The following HERC6 variants were observed in gnomAD, a reference collection of about 807,000 sequenced individuals.
HERC6 encodes HECT and RLD domain containing E3 ubiquitin protein ligase family member 6, also known as probable E3 ubiquitin-protein ligase HERC6.
A neutral mutation model predicts 114.5 loss-of-function variants in HERC6; 101 were observed. The ratio of observed to expected loss-of-function variants is 0.88; its 90% CI spans 0.75 to 1.04. The LOEUF is 1.04. Among genes scored for constraint, HERC6 ranks in the 50% least tolerant of loss-of-function variants. HERC6 has a pLI of 0.00. For missense variants in HERC6, 1,133 were observed against 1,230.9 expected (o/e 0.92, Z 1.19); for synonymous variants, 408 against 436.2 (o/e 0.94, Z 0.81).
At position 88,381,953 on chromosome 4, in the gene HERC6, ATC is replaced by A. The variant is rs557923898; in HGVS notation, c.200-1266_200-1265del. ...GAAGAGAGCAGAGACCTCTTCCTGC[ATC>A]TGTTGATTCTCAATTGCCTTCAGCT... On this transcript the variant is annotated intron_variant, in intron 1 of 22. Transcript: ENST00000264346. Among the ~76,000 whole-genome samples, 895 of 152,172 alleles carry A rather than the reference ATC, an allele frequency of 5.9e-3. 13 individuals are homozygous for A. Among genetic ancestry groups the A allele is most frequent in the African/African-American group, 0.021 (853 of 41,506 alleles).
At chr4:88,433,470 A>G (rs528634729) in intron 17 of HERC6, among the ~76,000 whole-genome samples, 1 of 152,314 alleles carries the variant, frequency 6.6e-6, no homozygotes, top group South Asian at 2.1e-4. Flanking sequence ...GCCCTCATGA[A>G]TAGATTAATC....
At chr4:88,405,032 T>C in intron 9 of HERC6, 35 bp downstream of exon 9, 1 of 1,605,968 alleles carries the variant, frequency 6.2e-7, no homozygotes, top group Non-Finnish European at 8.5e-7. Flanking sequence ...GCCACTTTTA[T>C]CTGGTTCTGG....
intron 13 of HERC6, among the ~76,000 whole-genome samples, chr4:88,420,458 C>T (rs938720564): frequency 2.6e-5 from 4 of 152,132 alleles, no homozygotes; most frequent in Admixed American, 2.6e-4. Flanking sequence ...AGAATGACAA[C>T]TTTACTGAGT....
intron 9 of HERC6, 37 bp from the exon 10 acceptor site, chr4:88,405,512 TTATTA>T: frequency 9.1e-7 from 1 of 1,093,868 alleles, no homozygotes; most frequent in Non-Finnish European, 1.3e-6. Context: ...AAGGCATGCT[TTATTA>T]TATGTTGTGA....
chr4:88,383,119 T>C (rs964587960), intron 1 of HERC6, 102 bp from the exon 2 acceptor site: 1 of 1,441,930 alleles, frequency 6.9e-7, no homozygotes, highest in African/African-American at 1.4e-5. Context: ...AGACAAGAAA[T>C]CTGGATGATC....
chr4:88,424,524 T>C (rs1737400354), intron 14 of HERC6, 71 bp from the exon 15 acceptor site: 3 of 1,138,846 alleles, frequency 2.6e-6, no homozygotes, highest in South Asian at 1.4e-5. Context: ...AAAAAGGCGA[T>C]AAGGTAAAGG....
intron 22 of HERC6, chr4:88,440,597 G>T: frequency 5.5e-6 from 1 of 182,956 alleles, no homozygotes; most frequent in East Asian, 1.5e-4. Flanking sequence ...TGTACCATCC[G>T]CATAGGGCAC....
chr4:88,407,160 C>G (rs143068265), intron 10 of HERC6, among the ~76,000 whole-genome samples: 3 of 152,208 alleles, frequency 2.0e-5, no homozygotes, highest in Non-Finnish European at 4.4e-5. Context: ...TCACTGCAGC[C>G]TCCGCCTCGT....
intron 12 of HERC6, among the ~76,000 whole-genome samples, chr4:88,414,463 A>G (rs1175788902): frequency 6.6e-6 from 1 of 152,172 alleles, no homozygotes; most frequent in African/African-American, 2.4e-5. Flanking sequence ...GGGTTCTTAG[A>G]TCTCACACAA....
At chr4:88,424,725 T>C in intron 15 of HERC6, 23 bp downstream of exon 15, 1 of 1,407,888 alleles carries the variant, frequency 7.1e-7, no homozygotes, top group East Asian at 2.3e-5. Flanking sequence ...TATTTTTTAG[T>C]ATGAAAAATT....
Position 88,378,951 on chromosome 4 carries a change from G to T in HERC6, c.30G>T (p.Arg10Ser). 6.3e-7 allele frequency: 1 copy of T among 1,595,256 alleles called. No individual in the cohort carries two copies. The highest frequency in any genetic ancestry group is 2.3e-5 in the East Asian group (1 of 44,048). The change falls in exon 1 of 23, where the codon AGG becomes AGT. Residue 10 changes from arginine (R) to serine (S), a missense_variant. By Grantham distance (110) the Arg-to-Ser change is moderately radical (BLOSUM62 -1). Coordinates refer to ENST00000264346, the MANE Select transcript of HERC6 (RefSeq NM_017912.4). The part of the protein sequence containing the change: MYFCWGADS[R>S]ELQRRRTAGS... ...ACTTCTGTTGGGGCGCCGACTCCAG[G>T]GAGCTGCAGCGCCGGAGGACGGCGG...
chr4:88,388,620 A>T (rs1194678423), intron 3 of HERC6, among the ~76,000 whole-genome samples: 1 of 151,602 alleles, frequency 6.6e-6, no homozygotes, highest in African/African-American at 2.4e-5. Context: ...TGCATAGGGG[A>T]GAACCATAGA....
intron 1 of HERC6, 47 bp downstream of exon 1, chr4:88,379,167 G>A: frequency 2.8e-6 from 4 of 1,413,842 alleles, no homozygotes; most frequent in Non-Finnish European, 3.8e-6. Context: ...CCAGTACATG[G>A]GCGCGGGGGC....
intron 10 of HERC6, among the ~76,000 whole-genome samples, chr4:88,406,612 G>A (rs943580908): frequency 2.0e-5 from 3 of 152,178 alleles, no homozygotes; most frequent in Admixed American, 6.5e-5. Context: ...GAACTCCTAA[G>A]ATGTCAAAGA....
chr4:88,395,761 T>A (rs893733443), intron 5 of HERC6, among the ~76,000 whole-genome samples: 1 of 152,134 alleles, frequency 6.6e-6, no homozygotes, highest in Non-Finnish European at 1.5e-5. Context: ...TGGCCTCAAG[T>A]AATTCTCCTG....
At chr4:88,440,380 A>G (rs1739225809) in intron 22 of HERC6, 130 bp downstream of exon 22, 2 of 628,240 alleles carry the variant, frequency 3.2e-6, no homozygotes, top group African/African-American at 3.7e-5. Flanking sequence ...TCTCACAGCC[A>G]TGGAGATCAA....
chr4:88,428,186 T>C (rs140103566), intron 15 of HERC6, among the ~76,000 whole-genome samples: 166 of 152,342 alleles, frequency 1.1e-3, no homozygotes, highest in African/African-American at 3.8e-3. Flanking sequence ...ATACTGTCTT[T>C]ATATTCCTGA....
At position 88,391,304 on chromosome 4, in the gene HERC6, A is replaced by G. The variant is rs537557358; in HGVS notation, c.664+425A>G. On this transcript the variant is annotated intron_variant, in intron 4 of 22. Coordinates refer to ENST00000264346, the MANE Select transcript of HERC6 (RefSeq NM_017912.4). Reference sequence around the variant, plus strand: ...CTTTCTCAAGTCACATTACTTTCACATAGACTCTTCTGCCTCCCTCTTCCT... The same window carrying G: ...CTTTCTCAAGTCACATTACTTTCACGTAGACTCTTCTGCCTCCCTCTTCCT... 9.8e-5 allele frequency among the ~76,000 whole-genome samples: 15 copies of G among 152,316 alleles called. No homozygotes were observed. The East Asian group carries it at 1.5e-3, about 16-fold the overall frequency.
chr4:88,391,118 C>T (rs954480040), intron 4 of HERC6, among the ~76,000 whole-genome samples: 6 of 152,154 alleles, frequency 3.9e-5, no homozygotes, highest in East Asian at 1.9e-4. Flanking sequence ...TTCTGACACA[C>T]GTCTCACTGT....
Sources: gnomAD v4.1 joint callset for allele counts (sites outside exome capture counted in the v4.1 genomes callset) on GRCh38, gnomAD v4.1.1 for gene constraint, MANE v1.5 for transcripts, NCBI Gene and HGNC (gene_info 2026-07-23, HGNC 2026-07-21) for gene names.